EIF2B3: variants seen among roughly 807,000 people sequenced by gnomAD.
EIF2B3 encodes translation initiation factor eIF2B subunit gamma.
In EIF2B3, 20 loss-of-function variants were observed where a neutral mutation model predicts 54.1. The ratio of observed to expected loss-of-function variants is 0.37; its 90% CI spans 0.26 to 0.54. EIF2B3 has a LOEUF of 0.54. Among genes scored for constraint, EIF2B3 ranks in the 20% least tolerant of loss-of-function variants. EIF2B3 has a pLI of 0.86. For synonymous variants in EIF2B3, 153 were observed against 188.1 expected, an observed-to-expected ratio of 0.81 and a Z score of 1.52; for missense variants, 448 against 547.8, an observed-to-expected ratio of 0.82 and a Z score of 1.82.
chr1:44,923,930 A>G (rs570773680), intron 5 of EIF2B3, among the ~76,000 whole-genome samples: 7 of 148,352 alleles, frequency 4.7e-5, no homozygotes, highest in African/African-American at 1.8e-4. Context: ...CAGAGATTCT[A>G]ATTTCTTTCC....
intron 5 of EIF2B3, among the ~76,000 whole-genome samples, chr1:44,906,560 C>T (rs185807792): frequency 6.6e-6 from 1 of 152,292 alleles, no homozygotes; most frequent in Non-Finnish European, 1.5e-5. Flanking sequence ...GCCACCATAC[C>T]CGGCTCATTT....
At chr1:44,913,101 G>A (rs1643547002) in intron 5 of EIF2B3, among the ~76,000 whole-genome samples, 1 of 118,228 alleles carries the variant, frequency 8.5e-6, no homozygotes, top group Non-Finnish European at 1.7e-5. Context: ...AGCAATTGCG[G>A]TTTTTGTTAA....
rs754243775 is a variant in EIF2B3 at position 44,978,405 on chromosome 1, C to A, written c.204G>T (p.Lys68Asn). Residue 68 changes from lysine (K) to asparagine (N), a missense_variant, in exon 3 of 12, where the codon AAG becomes AAT. Physicochemically the swap from Lys to Asn is moderately conservative, Grantham distance 94. Around this residue, in one of 3 missense-constraint regions of EIF2B3, gnomAD observed 95 missense variants for 115.7 expected, o/e 0.82. Coordinates refer to ENST00000360403, the MANE Select transcript of EIF2B3 (RefSeq NM_020365.5). ...ACACAATATCTGGCTTCATTTTCATCTTGAATTCTGCACATAGAGCCTTTT... is the reference window on the plus strand; with the variant it reads ...ACACAATATCTGGCTTCATTTTCATATTGAATTCTGCACATAGAGCCTTTT... ...DVQKALCAEF[K>N]MKMKPDIVCI... The A allele has an allele frequency of 6.2e-7, 1 of 1,613,792 alleles. No homozygotes were observed. Among genetic ancestry groups the A allele is most frequent in the South Asian group, 1.1e-5 (1 of 91,084 alleles).
intron 3 of EIF2B3, among the ~76,000 whole-genome samples, chr1:44,956,754 A>G (rs1049564542): frequency 6.6e-6 from 1 of 152,186 alleles, no homozygotes; most frequent in African/African-American, 2.4e-5. Flanking sequence ...AAACTGAATA[A>G]GCATTTGGAA....
intron 8 of EIF2B3, among the ~76,000 whole-genome samples, chr1:44,877,189 C>CAAGAAAAAA (rs1655196149): frequency 3.4e-5 from 1 of 29,462 alleles, no homozygotes; most frequent in African/African-American, 1.8e-4. Flanking sequence ...CAAGAATGAT[C>CAAGAAAAAA]AATAAAAAAA....
At chr1:44,859,075 G>A (rs1654528887) in intron 10 of EIF2B3, among the ~76,000 whole-genome samples, 1 of 152,176 alleles carries the variant, frequency 6.6e-6, no homozygotes, top group African/African-American at 2.4e-5. Context: ...GAGGTGGAAG[G>A]ATCACTTGGG....
At chr1:44,916,267 G>C (rs1333857353) in intron 5 of EIF2B3, among the ~76,000 whole-genome samples, 3 of 151,900 alleles carry the variant, frequency 2.0e-5, no homozygotes, top group African/African-American at 7.2e-5. Flanking sequence ...TGTTGTCCAG[G>C]CTAGAGTGCA....
chr1:44,986,160 C>T (rs1391235796), intron 1 of EIF2B3, among the ~76,000 whole-genome samples: 1 of 133,816 alleles, frequency 7.5e-6, no homozygotes, highest in Non-Finnish European at 1.6e-5. Flanking sequence ...TTTTTTGAAA[C>T]GGAGAGTCTC....
chr1:44,918,211 G>A (rs1170261320), intron 5 of EIF2B3, among the ~76,000 whole-genome samples: 8 of 151,166 alleles, frequency 5.3e-5, no homozygotes, highest in Non-Finnish European at 8.8e-5. Context: ...AGCCTCCCGA[G>A]TAGCTGGGAT....
At chr1:44,939,933 G>T (rs974808657) in intron 4 of EIF2B3, among the ~76,000 whole-genome samples, 36 of 152,108 alleles carry the variant, frequency 2.4e-4, no homozygotes, top group African/African-American at 8.0e-4. Flanking sequence ...AGAAAAGAAT[G>T]AATACAGGGA....
chr1:44,965,032 T>C (rs991159796), intron 3 of EIF2B3, among the ~76,000 whole-genome samples: 4 of 151,894 alleles, frequency 2.6e-5, no homozygotes, highest in Non-Finnish European at 1.5e-5. Context: ...ATCCAAGGAG[T>C]CAGCCAGCTT....
rs530817488 is a variant in EIF2B3, at chr1:44,877,211, A to C, written c.976-1516T>G. On this transcript the variant is annotated intron_variant, in intron 8 of 11. Transcript: ENST00000360403. ...GATCAATAAAAAAAAAAAAAAAAAA[A>C]AAAAAAAAAAACACCTTAGGTAGAA... 6.0e-4 allele frequency among the ~76,000 whole-genome samples: 89 copies of C among 149,032 alleles called. 3 individuals carry two copies. In the Middle Eastern group the frequency reaches 0.01, roughly 17 times the overall value.
Position 44,921,975 on chromosome 1 carries a change from C to T in EIF2B3, c.566+4653G>A, listed in dbSNP as rs577019498. ...TGTCACCCAGGCTGGAGTGCAATGGCGCAATCTCAGCTCACTGCAACCTCC... is the reference window on the plus strand; with the variant it reads ...TGTCACCCAGGCTGGAGTGCAATGGTGCAATCTCAGCTCACTGCAACCTCC... On this transcript the variant is annotated intron_variant, in intron 5 of 11. Transcript: ENST00000360403. Among the ~76,000 whole-genome samples the T allele has an allele frequency of 6.6e-4, 100 of 150,934 alleles. 2 individuals are homozygous for T. The highest frequency in any genetic ancestry group is 1.5e-3 in the African/African-American group (61 of 41,246).
chr1:44,976,478 C>T (rs542558740), intron 3 of EIF2B3, among the ~76,000 whole-genome samples: 6 of 152,136 alleles, frequency 3.9e-5, no homozygotes, highest in South Asian at 4.1e-4. Context: ...GTGAAGCAAA[C>T]GCAACTCTTA....
intron 4 of EIF2B3, among the ~76,000 whole-genome samples, chr1:44,928,730 T>C (rs1306732649): frequency 1.3e-5 from 2 of 152,194 alleles, no homozygotes; most frequent in Admixed American, 1.3e-4. Context: ...ATACTTCTCT[T>C]CCCCGACTAG....
At chr1:44,913,109 T>TTA (rs1429921371) in intron 5 of EIF2B3, among the ~76,000 whole-genome samples, 1 of 103,266 alleles carries the variant, frequency 9.7e-6, no homozygotes, top group Non-Finnish European at 1.9e-5. Context: ...CGGTTTTTGT[T>TTA]AAAAAAAAAA....
At chr1:44,866,415 C>T (rs1390042145) in intron 10 of EIF2B3, among the ~76,000 whole-genome samples, 1 of 148,016 alleles carries the variant, frequency 6.8e-6, no homozygotes, top group Non-Finnish European at 1.5e-5. Flanking sequence ...AAAAAACAAA[C>T]AAAACTATAT....
intron 5 of EIF2B3, among the ~76,000 whole-genome samples, chr1:44,904,391 A>G (rs1643374513): frequency 6.6e-6 from 1 of 152,240 alleles, no homozygotes; most frequent in Non-Finnish European, 1.5e-5. Context: ...AAAACCAGAG[A>G]TAACAATTCA....
chr1:44,885,079 G>A (rs1655532919), intron 6 of EIF2B3, among the ~76,000 whole-genome samples: 2 of 152,130 alleles, frequency 1.3e-5, no homozygotes, highest in Admixed American at 1.3e-4. Flanking sequence ...GAACATCCTG[G>A]GCCTAGGCCA....
Sources: gnomAD v4.1 joint callset for allele counts (sites outside exome capture counted in the v4.1 genomes callset) on GRCh38, gnomAD v4.1.1 for gene constraint, gnomAD v4.1.1 regional missense constraint, MANE v1.5 for transcripts, NCBI Gene and HGNC (gene_info 2026-07-23, HGNC 2026-07-21) for gene names.